AHNAK: variants seen among roughly 807,000 people sequenced by gnomAD.
AHNAK encodes the protein neuroblast differentiation-associated protein AHNAK.
In AHNAK, 23 loss-of-function variants were observed where a neutral mutation model predicts 37.8. The ratio of observed to expected loss-of-function variants is 0.61; its 90% CI spans 0.44 to 0.86. AHNAK has a LOEUF of 0.86. AHNAK is among the 40% of genes least tolerant of loss of function. AHNAK has a pLI of 0.00. For missense variants in AHNAK, 7,411 were observed against 7,319.4 expected (o/e 1.01, Z -0.46); for synonymous variants, 2,481 against 2,636.3 (o/e 0.94, Z 1.80).
In AHNAK at chr11:62,518,170, G is replaced by A. The variant is rs116181632; in HGVS notation, c.16247C>T (p.Pro5416Leu). ...MKLPQFGIST[P>L]GSDLHVNAKG... Reference sequence around the variant, plus strand: ...GGCATTGACGTGCAAGTCGGACCCCGGAGTAGAGATGCCAAATTGGGGCAG... The same window carrying A: ...GGCATTGACGTGCAAGTCGGACCCCAGAGTAGAGATGCCAAATTGGGGCAG... Residue 5416 changes from proline (P) to leucine (L), a missense_variant, in exon 5 of 5, where the codon CCG (proline) becomes CTG (leucine). By Grantham distance (98) the Pro-to-Leu change is moderately conservative (BLOSUM62 -3). Transcript: ENST00000378024. The A allele has an allele frequency of 1.6e-4, 259 of 1,614,158 alleles. 1 individual carries two copies. The African/African-American group carries it at 2.5e-3, about 15-fold the overall frequency.
chr11:62,441,288 C>T (rs1314404051), intron 5 of AHNAK, among the ~76,000 whole-genome samples: 1 of 151,810 alleles, frequency 6.6e-6, no homozygotes, highest in Non-Finnish European at 1.5e-5. Context: ...AGGTGTGAGC[C>T]ACCACGTCCG....
chr11:62,456,817 G>A (rs1445062565), intron 5 of AHNAK, among the ~76,000 whole-genome samples: 1 of 152,146 alleles, frequency 6.6e-6, no homozygotes, highest in Non-Finnish European at 1.5e-5. Context: ...GGAGCAGGTG[G>A]TTCAGAGAGT....
At chr11:62,543,967 T>A (rs1434799123) in intron 1 of AHNAK, among the ~76,000 whole-genome samples, 1 of 152,160 alleles carries the variant, frequency 6.6e-6, no homozygotes, top group Non-Finnish European at 1.5e-5. Flanking sequence ...TCTCCCGGTC[T>A]GTCTCTCTGT....
At chr11:62,437,505 TC>T (rs939416778) in intron 5 of AHNAK, among the ~76,000 whole-genome samples, 42 of 152 alleles carry the variant, frequency 0.28, no homozygotes, top group African/African-American at 0.45. Flanking sequence ...CAGGCACTCA[TC>T]TGCCACACTC....
chr11:62,439,257 G>C (rs926851921), intron 5 of AHNAK, among the ~76,000 whole-genome samples: 8 of 151,710 alleles, frequency 5.3e-5, no homozygotes, highest in African/African-American at 1.9e-4. Context: ...ACCACGCCTA[G>C]CTAATTTTTT....
downstream of AHNAK, chr11:62,515,873 C>T (rs930322779): frequency 1.8e-6 from 2 of 1,111,378 alleles, no homozygotes; most frequent in Non-Finnish European, 2.2e-6. Flanking sequence ...TTCACGCCCC[C>T]GCAACACAGA....
intron 4 of AHNAK, among the ~76,000 whole-genome samples, chr11:62,502,171 T>A (rs1237197483): frequency 6.6e-6 from 1 of 151,858 alleles, no homozygotes. Flanking sequence ...GACTTCAGAG[T>A]CTCCAAGCTT....
intron 5 of AHNAK, among the ~76,000 whole-genome samples, chr11:62,481,225 C>A (rs1388171030): frequency 1.3e-5 from 2 of 151,850 alleles, no homozygotes; most frequent in Non-Finnish European, 2.9e-5. Flanking sequence ...CCTGTCTCAA[C>A]CTCCCGAGTA....
intron 4 of AHNAK, among the ~76,000 whole-genome samples, chr11:62,493,708 T>A (rs1225114406): frequency 6.6e-6 from 1 of 151,936 alleles, no homozygotes; most frequent in Non-Finnish European, 1.5e-5. Flanking sequence ...TGGGCTCAAG[T>A]GATCCTCCCA....
At position 62,518,589 on chromosome 11, in the gene AHNAK, G is replaced by T. The variant is rs758787866; in HGVS notation, c.15828C>A (p.Pro5276=). 5 of 1,614,126 alleles carry T rather than the reference G, an allele frequency of 3.1e-6. No individual in the cohort carries two copies. Among genetic ancestry groups the T allele is most frequent in the Non-Finnish European group, 4.2e-6 (5 of 1,180,026 alleles). ...CTCCTGGCCCCTTTAGAGAAACATC[G>T]GGCCCTTCGAGCTTAACATCTGGTC... is the stretch of plus-strand genomic sequence containing the variant. ...LRGPDVKLEG[P]DVSLKGPGVD... The change falls in exon 5 of 5, where the codon CCC becomes CCA. Residue 5276 remains proline, a synonymous_variant. Coordinates refer to ENST00000378024, the MANE Select transcript of AHNAK (RefSeq NM_001620.3).
In AHNAK at chr11:62,533,164, G is replaced by A; in HGVS notation, c.1253C>T (p.Pro418Leu). Residue 418 changes from proline to leucine, a missense_variant, in exon 5 of 5, where the codon CCT becomes CTT. By Grantham distance (98) the Pro-to-Leu change is moderately conservative. Coordinates refer to ENST00000378024, the MANE Select transcript of AHNAK (RefSeq NM_001620.3). ...ITGPSVEVQA[P>L]DIDVQGPGSK... is the part of the protein sequence containing the mutation. ...CCCAGGCCCCTGAACATCAATGTCA[G>A]GGGCCTGAACTTCCACACTGGGGCC... 2.0e-6 allele frequency: 3 copies of A among 1,537,006 alleles called. No individual in the cohort carries two copies. Among genetic ancestry groups the A allele is most frequent in the Middle Eastern group, 1.8e-4 (1 of 5,676 alleles).
At position 62,531,323 on chromosome 11, in the gene AHNAK, G is replaced by A; in HGVS notation, c.3094C>T (p.Pro1032Ser). 6.2e-7 allele frequency: 1 copy of A among 1,613,456 alleles called. No individual in the cohort carries two copies. The highest frequency in any genetic ancestry group is 8.5e-7 in the Non-Finnish European group (1 of 1,179,874). The change falls in exon 5 of 5, where the codon CCA becomes TCA. Residue 1032 changes from proline (P) to serine (S), a missense_variant. By Grantham distance (74) the Pro-to-Ser change is moderately conservative. Coordinates refer to ENST00000378024, the MANE Select transcript of AHNAK (RefSeq NM_001620.3). ...LSKANVDISA[P>S]KVDTNAPDLS... Reference sequence around the variant, plus strand: ...TCTGGAGCATTAGTATCTACTTTTGGTGCAGAAATGTCCACATTCGCTTTG... The same window carrying A: ...TCTGGAGCATTAGTATCTACTTTTGATGCAGAAATGTCCACATTCGCTTTG...
At chr11:62,494,291 G>T (rs974211230) in intron 4 of AHNAK, among the ~76,000 whole-genome samples, 1 of 152,070 alleles carries the variant, frequency 6.6e-6, no homozygotes, top group African/African-American at 2.4e-5. Context: ...AGCATGTGAT[G>T]ACTCTTCTTT....
downstream of AHNAK, among the ~76,000 whole-genome samples, chr11:62,514,014 G>C (rs1939961746): frequency 6.6e-6 from 1 of 152,164 alleles, no homozygotes; most frequent in African/African-American, 2.4e-5. Context: ...GACACATCTA[G>C]CCACGTGGGA....
chr11:62,449,119 G>A (rs1048354638), intron 5 of AHNAK, among the ~76,000 whole-genome samples: 6 of 152,112 alleles, frequency 3.9e-5, no homozygotes, highest in South Asian at 2.1e-4. Flanking sequence ...GGCTCACCAC[G>A]CAGAGCCATC....
In AHNAK at chr11:62,517,971, G is replaced by A. The variant is rs1292454360; in HGVS notation, c.16446C>T (p.Gly5482=). The change falls in exon 5 of 5, where the codon GGC becomes GGT. Residue 5482 remains glycine, a synonymous_variant. Coordinates refer to ENST00000378024, the MANE Select transcript of AHNAK (RefSeq NM_001620.3). ...TTCCTTCTAGGCCTTGAACACCAAT[G>A]CCTGGAAGACCTCCTCCGACAGTGG... ...KGPTVGGGLP[G]IGVQGLEGNL... The A allele has an allele frequency of 1.2e-6, 2 of 1,614,064 alleles. No individual in the cohort carries two copies. Among genetic ancestry groups the A allele is most frequent in the Non-Finnish European group, 1.7e-6 (2 of 1,180,042 alleles).
intron 5 of AHNAK, among the ~76,000 whole-genome samples, chr11:62,457,164 A>T (rs1034249417): frequency 3.3e-5 from 5 of 152,006 alleles, no homozygotes; most frequent in African/African-American, 7.3e-5. Flanking sequence ...CTCTACTAAA[A>T]ATACAAAAAG....
At chr11:62,480,698 C>T (rs570476023) in intron 5 of AHNAK, among the ~76,000 whole-genome samples, 5 of 150,894 alleles carry the variant, frequency 3.3e-5, no homozygotes, top group Non-Finnish European at 7.4e-5. Context: ...AAAAGAAAGG[C>T]CTGACTCTTT....
At chr11:62,455,537 C>G (rs1938637719) in intron 5 of AHNAK, among the ~76,000 whole-genome samples, 1 of 152,140 alleles carries the variant, frequency 6.6e-6, no homozygotes, top group South Asian at 2.1e-4. Context: ...GAAACCCTGT[C>G]TCTACTAAAA....
Sources: gnomAD v4.1 joint callset for allele counts (sites outside exome capture counted in the v4.1 genomes callset) on GRCh38, gnomAD v4.1.1 for gene constraint, MANE v1.5 for transcripts, NCBI Gene and HGNC (gene_info 2026-07-23, HGNC 2026-07-21) for gene names.